The following ATF6 variants were observed in gnomAD, a reference collection of about 807,000 sequenced individuals.
ATF6 encodes cyclic AMP-dependent transcription factor ATF-6 alpha.
A neutral mutation model predicts 83.6 loss-of-function variants in ATF6; 53 were observed. The observed-to-expected ratio is 0.63, with a 90% CI of 0.51 to 0.80. The LOEUF (loss-of-function observed/expected upper bound fraction) is 0.80, where lower values mean the gene tolerates loss of function less well. ATF6 is among the 30% of genes least tolerant of loss of function. The probability of loss-of-function intolerance (pLI) is 0.00; values close to 1 mark genes in which losing one functional copy is unlikely to be tolerated. For synonymous variants in ATF6, 288 were observed against 285.8 expected, an observed-to-expected ratio of 1.01 and a Z score of -0.08; for missense variants, 744 against 797.9, an observed-to-expected ratio of 0.93 and a Z score of 0.81.
At chr1:161,819,604 G>T (rs1685700408) in intron 7 of ATF6, 29 bp from the exon 8 acceptor site, 4 of 1,505,168 alleles carry the variant, frequency 2.7e-6, no homozygotes, top group South Asian at 1.4e-5. Flanking sequence ...TAAAACCAGG[G>T]TATTCTGATT....
At chr1:161,873,838 A>G (rs1350949402) in intron 14 of ATF6, among the ~76,000 whole-genome samples, 2 of 151,572 alleles carry the variant, frequency 1.3e-5, no homozygotes, top group South Asian at 2.1e-4. Flanking sequence ...TTTGTTCCCA[A>G]TACATGGTAT....
At chr1:161,944,754 C>T (rs750552970) in intron 15 of ATF6, among the ~76,000 whole-genome samples, 6 of 152,152 alleles carry the variant, frequency 3.9e-5, no homozygotes, top group East Asian at 1.9e-4. Flanking sequence ...GAAGGCAGGA[C>T]GACTTAAGGC....
chr1:161,828,251 G>A (rs1685954934), intron 9 of ATF6, among the ~76,000 whole-genome samples: 1 of 151,962 alleles, frequency 6.6e-6, no homozygotes, highest in Non-Finnish European at 1.5e-5. Flanking sequence ...TAGGCTAAAG[G>A]TACAGGAAAC....
rs2101742442 is a variant in ATF6, at chr1:161,792,144, A to G, written c.505A>G (p.Lys169Glu). ...NKTENGLTPKKKIQVNSKPSI... is the reference protein window; with the variant it reads ...NKTENGLTPKEKIQVNSKPSI... ...TCCAGAAAATGGACTGACTCCAAAGAAAAAAATTCAGGTGAATTCAAAACC... is the reference window on the plus strand; with the variant it reads ...TCCAGAAAATGGACTGACTCCAAAGGAAAAAATTCAGGTGAATTCAAAACC... The change falls in exon 6 of 16, where the codon AAA (lysine) becomes GAA (glutamate). Residue 169 changes from lysine to glutamate, a missense_variant. By Grantham distance (56) the Lys-to-Glu change is moderately conservative. Coordinates refer to ENST00000367942, the MANE Select transcript of ATF6 (RefSeq NM_007348.4). 6 of 1,613,962 alleles carry G rather than the reference A, an allele frequency of 3.7e-6. No homozygotes were observed. Among genetic ancestry groups the G allele is most frequent in the Non-Finnish European group, 5.1e-6 (6 of 1,180,002 alleles).
At chr1:161,766,512 C>A in intron 1 of ATF6, 70 bp downstream of exon 1, 2 of 1,488,744 alleles carry the variant, frequency 1.3e-6, no homozygotes, top group South Asian at 1.2e-5. Flanking sequence ...TCCCTACTTC[C>A]GCCCACTCGT....
intron 1 of ATF6, among the ~76,000 whole-genome samples, chr1:161,770,316 A>T (rs1050763875): frequency 6.6e-6 from 1 of 152,240 alleles, no homozygotes; most frequent in Admixed American, 6.5e-5. Context: ...TACAAAAAAT[A>T]GTATGTATGT....
chr1:161,926,332 G>A (rs926691315), intron 15 of ATF6, among the ~76,000 whole-genome samples: 2 of 152,196 alleles, frequency 1.3e-5, no homozygotes, highest in South Asian at 2.1e-4. Flanking sequence ...TGAGGGTCAG[G>A]AATCTAGGGC....
intron 1 of ATF6, among the ~76,000 whole-genome samples, chr1:161,772,762 T>TA (rs34486834): frequency 0.037 from 5,185 of 139,188 alleles, 107 homozygotes; most frequent in Non-Finnish European, 0.051. Flanking sequence ...TAGCTAGAGT[T>TA]AAAAAAAAAA....
intron 9 of ATF6, among the ~76,000 whole-genome samples, chr1:161,830,769 G>T (rs755275496): frequency 6.6e-6 from 1 of 152,142 alleles, no homozygotes; most frequent in East Asian, 1.9e-4. Context: ...AACTGGATCC[G>T]TTCCTTACAC....
intron 7 of ATF6, among the ~76,000 whole-genome samples, chr1:161,806,004 C>T (rs1685269884): frequency 6.6e-6 from 1 of 152,034 alleles, no homozygotes; most frequent in East Asian, 1.9e-4. Context: ...AAACAGTTTG[C>T]CTGGTTCAAA....
chr1:161,895,824 G>A (rs1687664285), intron 14 of ATF6, among the ~76,000 whole-genome samples: 3 of 152,154 alleles, frequency 2.0e-5, no homozygotes, highest in Admixed American at 2.0e-4. Flanking sequence ...ATACTGATTA[G>A]ATGAACTGTT....
intron 14 of ATF6, among the ~76,000 whole-genome samples, chr1:161,893,908 A>G (rs1687614589): frequency 6.6e-6 from 1 of 152,116 alleles, no homozygotes. Flanking sequence ...ATTTTCTCCA[A>G]TCCCTGGCAT....
intron 9 of ATF6, among the ~76,000 whole-genome samples, chr1:161,831,944 T>TAA (rs574016070): frequency 0.11 from 14,563 of 129,916 alleles, 1,064 homozygotes; most frequent in East Asian, 0.3. Context: ...TAAAGTATAA[T>TAA]AAAAAAAAAA....
chr1:161,864,061 C>G (rs571108305), intron 14 of ATF6, among the ~76,000 whole-genome samples: 1 of 152,108 alleles, frequency 6.6e-6, no homozygotes, highest in African/African-American at 2.4e-5. Context: ...CTATCCCAAG[C>G]TGTTTTTTCT....
intron 15 of ATF6, among the ~76,000 whole-genome samples, chr1:161,917,546 G>C (rs6699916): frequency 6.6e-6 from 1 of 151,462 alleles, no homozygotes; most frequent in African/African-American, 2.4e-5. Context: ...TCAGCCTCCC[G>C]AGTAGCTGGG....
intron 12 of ATF6, among the ~76,000 whole-genome samples, chr1:161,858,461 A>G (rs1686811718): frequency 6.6e-6 from 1 of 152,212 alleles, no homozygotes; most frequent in Admixed American, 6.5e-5. Flanking sequence ...ATGAAGCATT[A>G]AAAAGCTGAC....
At chr1:161,903,642 A>G (rs570231991) in intron 14 of ATF6, among the ~76,000 whole-genome samples, 28 of 152,338 alleles carry the variant, frequency 1.8e-4, no homozygotes, top group Middle Eastern at 6.8e-3. Context: ...TAAGTGTTGA[A>G]ATACTAACTT....
intron 12 of ATF6, among the ~76,000 whole-genome samples, chr1:161,858,950 G>T (rs1384744183): frequency 6.6e-6 from 1 of 152,162 alleles, no homozygotes; most frequent in African/African-American, 2.4e-5. Flanking sequence ...TTTCATATGG[G>T]CCAAAGTAGC....
At chr1:161,820,999 C>G in intron 8 of ATF6, 71 bp from the exon 9 acceptor site, 1 of 1,030,102 alleles carries the variant, frequency 9.7e-7, no homozygotes, top group Non-Finnish European at 1.4e-6. Flanking sequence ...GAGGAAAATT[C>G]TAATCTTAAG....
Sources: allele counts gnomAD v4.1 joint callset (sites outside exome capture counted in the v4.1 genomes callset), GRCh38; gene constraint gnomAD v4.1.1; transcripts MANE v1.5; gene names NCBI Gene and HGNC (gene_info 2026-07-23, HGNC 2026-07-21).